Variants in TAFA5 observed in about 807,000 individuals in gnomAD.
TAFA5 encodes chemokine-like protein TAFA-5.
A neutral mutation model predicts 15.3 loss-of-function variants in TAFA5; 6 were observed. That is an observed-to-expected ratio of 0.39 (90% CI 0.21 to 0.77). TAFA5 has a LOEUF of 0.77. Ranked by LOEUF, TAFA5 falls within the 30% of genes least tolerant of loss-of-function variation. The pLI, the probability that TAFA5 is intolerant of heterozygous loss-of-function variation, is 0.41. For synonymous variants in TAFA5, 103 were observed against 80.7 expected (o/e 1.28, Z -1.48); for missense variants, 161 against 193.1 (o/e 0.83, Z 0.98).
chr22:48,526,705 G>A (rs971308745), intron 1 of TAFA5, among the ~76,000 whole-genome samples: 24 of 152,208 alleles, frequency 1.6e-4, no homozygotes, highest in Admixed American at 1.0e-3. Flanking sequence ...AGTTTTCATC[G>A]TGAGAAGAAT....
At chr22:48,599,539 G>A (rs1350244228) in intron 1 of TAFA5, among the ~76,000 whole-genome samples, 1 of 152,252 alleles carries the variant, frequency 6.6e-6, no homozygotes, top group Non-Finnish European at 1.5e-5. Flanking sequence ...CGTGACTGCA[G>A]GGCAGAACCA....
At position 48,550,546 on chromosome 22, in the gene TAFA5, A is replaced by G. The variant is rs896360503; in HGVS notation, c.112+60842A>G. Among the ~76,000 whole-genome samples, 2 of 152,144 alleles carry G rather than the reference A, an allele frequency of 1.3e-5. No homozygotes were observed. The highest frequency in any genetic ancestry group is 4.8e-5 in the African/African-American group (2 of 41,434). ...GGCATTGTGTGAAGGAGTGTCTTGT[A>G]TCAAAGCAGATATGCCCTGCCCCCT... On this transcript the variant is annotated intron_variant, in intron 1 of 3. Transcript: ENST00000402357. The surrounding 1 kb of genome is among the most constrained non-coding windows in gnomAD (Gnocchi z 4.1).
At chr22:48,745,909 C>T (rs1014733392) in intron 3 of TAFA5, among the ~76,000 whole-genome samples, 3 of 152,290 alleles carry the variant, frequency 2.0e-5, no homozygotes, top group East Asian at 1.9e-4. Context: ...CAGAGGAGGG[C>T]GGGCCGGTGA....
At chr22:48,583,581 C>A (rs942138700) in intron 1 of TAFA5, among the ~76,000 whole-genome samples, 2 of 151,012 alleles carry the variant, frequency 1.3e-5, no homozygotes, top group African/African-American at 4.9e-5. Flanking sequence ...CACGCACACA[C>A]ACCACACACC....
chr22:48,742,422 A>C lies in TAFA5; in HGVS notation c.391-7417A>C, dbSNP rs1930205673. On this transcript the variant is annotated intron_variant, in intron 3 of 3. Coordinates refer to ENST00000402357, the MANE Select transcript of TAFA5 (RefSeq NM_001082967.3). The surrounding 1 kb of genome is among the most constrained non-coding windows in gnomAD (Gnocchi z 6.2). The stretch of plus-strand genomic sequence containing the variant: ...ATTAACACAGCAAGAGCCCAGCCAG[A>C]GCAGGTGGGGCAGGAGACGGGTGGA... Among the ~76,000 whole-genome samples, 1 of 152,244 alleles carries C rather than the reference A, an allele frequency of 6.6e-6. No homozygotes were observed.
At chr22:48,705,417 T>A (rs942936153) in intron 2 of TAFA5, among the ~76,000 whole-genome samples, 1 of 152,176 alleles carries the variant, frequency 6.6e-6, no homozygotes, top group Non-Finnish European at 1.5e-5. Flanking sequence ...TCATTCTGCC[T>A]GGGATGCTGT....
At chr22:48,542,630 G>GGGGTGTGTTGTGTGT (rs1922486159) in intron 1 of TAFA5, among the ~76,000 whole-genome samples, 1 of 16,866 alleles carries the variant, frequency 5.9e-5, no homozygotes, top group African/African-American at 3.8e-4. Context: ...GGTGTGTGTG[G>GGGGTGTGTTGTGTGT]GTGTGTGATG....
intron 1 of TAFA5, chr22:48,546,708 T>G (rs1008533853): frequency 2.4e-6 from 1 of 423,384 alleles, no homozygotes; most frequent in Non-Finnish European, 4.9e-6. Context: ...TTCCTCCAGG[T>G]GCCCAGCACT....
intron 1 of TAFA5, among the ~76,000 whole-genome samples, chr22:48,561,645 T>C (rs1923234321): frequency 6.6e-6 from 1 of 152,164 alleles, no homozygotes; most frequent in African/African-American, 2.4e-5. Context: ...CGGCAACGCC[T>C]CAAGCCTTGG....
Position 48,569,781 on chromosome 22 carries a change from G to C in TAFA5, c.113-76816G>C, listed in dbSNP as rs563041724. ...TGCTTGGGTTCCGGGTACTGGTGAGGCCCATGGCTGCCTTCCAGGCCTGTC... is the reference window on the plus strand; with the variant it reads ...TGCTTGGGTTCCGGGTACTGGTGAGCCCCATGGCTGCCTTCCAGGCCTGTC... On this transcript the variant is annotated intron_variant, in intron 1 of 3. Coordinates refer to ENST00000402357, the MANE Select transcript of TAFA5 (RefSeq NM_001082967.3). Among the ~76,000 whole-genome samples, 7 of 152,338 alleles carry C rather than the reference G, an allele frequency of 4.6e-5. No homozygotes were observed. In the South Asian group the frequency reaches 6.2e-4, roughly 14 times the overall value.
chr22:48,636,050 G>A (rs1926433514), intron 1 of TAFA5, among the ~76,000 whole-genome samples: 1 of 152,204 alleles, frequency 6.6e-6, no homozygotes, highest in South Asian at 2.1e-4. Flanking sequence ...ACAGGCAGTG[G>A]CCAGACGGCC....
At chr22:48,529,211 A>AGATGGGGG (rs1921880179) in intron 1 of TAFA5, among the ~76,000 whole-genome samples, 2 of 75,578 alleles carry the variant, frequency 2.6e-5, no homozygotes, top group African/African-American at 9.6e-5. Context: ...GGAAATGAGG[A>AGATGGGGG]TGTCCAGGCA....
At chr22:48,540,461 T>C (rs1922325924) in intron 1 of TAFA5, among the ~76,000 whole-genome samples, 1 of 152,140 alleles carries the variant, frequency 6.6e-6, no homozygotes, top group South Asian at 2.1e-4. Flanking sequence ...ACCTCTCTGC[T>C]CCAGTCCCTG....
chr22:48,503,626 A>G (rs1920966818), intron 1 of TAFA5, among the ~76,000 whole-genome samples: 1 of 152,226 alleles, frequency 6.6e-6, no homozygotes, highest in Non-Finnish European at 1.5e-5. Context: ...CAAAAAGACT[A>G]TGCTTTAATC....
intron 1 of TAFA5, among the ~76,000 whole-genome samples, chr22:48,622,494 G>A (rs1925875226): frequency 6.6e-6 from 1 of 152,196 alleles, no homozygotes; most frequent in Non-Finnish European, 1.5e-5. Flanking sequence ...GTGAAGGAGT[G>A]GACAGAAACT....
intron 1 of TAFA5, among the ~76,000 whole-genome samples, chr22:48,495,892 C>T (rs914615994): frequency 3.9e-5 from 6 of 152,226 alleles, no homozygotes; most frequent in African/African-American, 1.4e-4. Context: ...ATCCCTCTGT[C>T]CAGCCCTGGA....
chr22:48,677,900 T>C (rs1928025932), intron 2 of TAFA5, among the ~76,000 whole-genome samples: 1 of 151,954 alleles, frequency 6.6e-6, no homozygotes, highest in South Asian at 2.1e-4. Flanking sequence ...AGGTCCAAGC[T>C]GGAGGCAGCC....
At chr22:48,624,058 C>T (rs1359774770) in intron 1 of TAFA5, among the ~76,000 whole-genome samples, 5 of 152,202 alleles carry the variant, frequency 3.3e-5, no homozygotes, top group Admixed American at 2.0e-4. Context: ...TTAGTTGTCA[C>T]GTCTCCTAGG....
intron 1 of TAFA5, among the ~76,000 whole-genome samples, chr22:48,584,503 CCACA>C (rs372447681): frequency 3.5e-4 from 52 of 148,120 alleles, no homozygotes; most frequent in Non-Finnish European, 5.5e-4. Context: ...ACAAAATACA[CCACA>C]CACACACACA....
Sources: gnomAD v4.1 joint callset for allele counts (sites outside exome capture counted in the v4.1 genomes callset) on GRCh38, gnomAD v4.1.1 for gene constraint, Gnocchi (gnomAD v3.1) non-coding constraint, MANE v1.5 for transcripts, NCBI Gene and HGNC (gene_info 2026-07-23, HGNC 2026-07-21) for gene names.